Variants in ARMC2 observed in about 807,000 individuals in gnomAD.
The protein encoded by ARMC2 is armadillo repeat containing 2, also known as armadillo repeat-containing protein 2.
In ARMC2, 67 loss-of-function variants were observed where a neutral mutation model predicts 90.3. The observed-to-expected ratio is 0.74, with a 90% confidence interval of 0.61 to 0.91. ARMC2 has a LOEUF of 0.91. ARMC2 is among the 40% of genes least tolerant of loss of function. ARMC2 has a pLI of 0.00. For missense variants in ARMC2, 920 were observed against 1,030.9 expected (o/e 0.89, Z 1.47); for synonymous variants, 393 against 393.0 (o/e 1.00, Z 0.00).
chr6:108,874,590 G>A (rs1198451521), intron 4 of ARMC2, among the ~76,000 whole-genome samples: 3 of 152,264 alleles, frequency 2.0e-5, no homozygotes, highest in South Asian at 2.1e-4. Context: ...GGTTTTGAGC[G>A]TGCTAGCACC....
chr6:108,886,928 CCTCA>C (rs888313142), intron 5 of ARMC2, among the ~76,000 whole-genome samples: 3 of 150,190 alleles, frequency 2.0e-5, no homozygotes, highest in Non-Finnish European at 4.4e-5. Flanking sequence ...TGAGACAGAG[CCTCA>C]CTCTGTTGCC....
In ARMC2 at chr6:108,973,238, T is replaced by C; in HGVS notation, c.2447-119T>C. On this transcript the variant is annotated intron_variant, in intron 17 of 17. Coordinates refer to ENST00000392644, the MANE Select transcript of ARMC2 (RefSeq NM_032131.6). ...AGAACTTCTCTGAAATCCTGTCTTG[T>C]GTTACGTTGGTATTAAAGGACGACC... 3 of 677,364 alleles carry C rather than the reference T, an allele frequency of 4.4e-6. No individual in the cohort carries two copies. The East Asian group carries it at 8.4e-5, about 19-fold the overall frequency. 42.0% of individuals were successfully genotyped at this position (677,364 alleles called of 1,614,324 possible).
chr6:108,890,189 CAAAAAAAAAAAAAAAAAAAAAAAAA>C (rs869186045), intron 5 of ARMC2, among the ~76,000 whole-genome samples: 6 of 64,250 alleles, frequency 9.3e-5, no homozygotes, highest in Admixed American at 1.7e-4. Context: ...GACTCCGTCT[CAAAAAAAAAAAAAAAAAAAAAAAAA>C]AAAAAAAAAA....
the ARMC2 span, among the ~76,000 whole-genome samples, chr6:109,050,152 A>T: frequency 6.6e-6 from 1 of 152,186 alleles, no homozygotes; most frequent in African/African-American, 2.4e-5. Flanking sequence ...TTATGGGATG[A>T]CACAATCTTG....
chr6:108,911,873 G>A (rs909105539), intron 9 of ARMC2, among the ~76,000 whole-genome samples: 1 of 152,008 alleles, frequency 6.6e-6, no homozygotes, highest in Non-Finnish European at 1.5e-5. Flanking sequence ...AAGGATAGGC[G>A]TTATATTCAA....
At chr6:108,915,600 G>A (rs1171589361) in intron 10 of ARMC2, among the ~76,000 whole-genome samples, 2 of 152,168 alleles carry the variant, frequency 1.3e-5, no homozygotes. Context: ...AGATTGTGCA[G>A]GATTTGGGAA....
chr6:108,892,724 A>G lies in ARMC2; in HGVS notation c.672-1743A>G, dbSNP rs1197561759. ...GGGTGAGCCGAGATCACGCCATTGC[A>G]CTCCAGCCTGGGCAACAAGAGTGAA... On this transcript the variant is annotated intron_variant, in intron 5 of 17. Transcript: ENST00000392644. 2.7e-5 allele frequency among the ~76,000 whole-genome samples: 4 copies of G among 149,496 alleles called. No homozygotes were observed. The Admixed American group carries it at 2.7e-4, about 10-fold the overall frequency.
Position 108,891,786 on chromosome 6 carries a change from A to T in ARMC2, c.672-2681A>T, listed in dbSNP as rs192941252. Among the ~76,000 whole-genome samples, 639 of 152,240 alleles carry T rather than the reference A, an allele frequency of 4.2e-3. 3 individuals carry two copies. The highest frequency in any genetic ancestry group is 0.014 in the African/African-American group (599 of 41,538). On this transcript the variant is annotated intron_variant, in intron 5 of 17. Transcript: ENST00000392644. ...TTTGTCAATTTTGGCTTTTGTTGCC[A>T]TTGCTTTTGTTGTTTTAGTCATGAA... is the stretch of plus-strand genomic sequence containing the variant.
the ARMC2 span, among the ~76,000 whole-genome samples, chr6:109,014,119 G>A: frequency 1.3e-5 from 2 of 151,562 alleles, no homozygotes; most frequent in African/African-American, 4.9e-5. Flanking sequence ...TTTTAGAAAT[G>A]TAGTGTTTTA....
At chr6:108,915,400 G>T (rs1228124508) in intron 10 of ARMC2, among the ~76,000 whole-genome samples, 2 of 152,172 alleles carry the variant, frequency 1.3e-5, no homozygotes, top group African/African-American at 2.4e-5. Context: ...CTAGTGGCGT[G>T]ACTGCTTTTC....
chr6:109,013,953 A>AT, the ARMC2 span, among the ~76,000 whole-genome samples: 1 of 150,254 alleles, frequency 6.7e-6, no homozygotes, highest in African/African-American at 2.4e-5. Flanking sequence ...TTTTGGGTAC[A>AT]TTAAGATCCT....
chr6:108,980,917 C>T, the ARMC2 span, among the ~76,000 whole-genome samples: 1 of 152,164 alleles, frequency 6.6e-6, no homozygotes, highest in African/African-American at 2.4e-5. Context: ...AAAAAACCTA[C>T]ATTTCCAGGA....
chr6:109,027,363 G>A, the ARMC2 span, among the ~76,000 whole-genome samples: 1 of 150,020 alleles, frequency 6.7e-6, no homozygotes, highest in African/African-American at 2.5e-5. Context: ...TGTAATCCCA[G>A]CTACTTAGGA....
the ARMC2 span, among the ~76,000 whole-genome samples, chr6:108,994,045 C>A: frequency 6.7e-6 from 1 of 149,766 alleles, no homozygotes; most frequent in Non-Finnish European, 1.5e-5. Flanking sequence ...GAAGCTGAGG[C>A]AGGATGATCG....
chr6:108,979,920 T>C, the ARMC2 span, among the ~76,000 whole-genome samples: 1 of 152,056 alleles, frequency 6.6e-6, no homozygotes, highest in African/African-American at 2.4e-5. Flanking sequence ...TTAGCTTACT[T>C]GCATTGGATT....
the ARMC2 span, among the ~76,000 whole-genome samples, chr6:108,993,720 C>T: frequency 4.7e-4 from 71 of 152,022 alleles, no homozygotes; most frequent in Admixed American, 5.2e-4. Flanking sequence ...TAATAAATAT[C>T]TCCTTTTCAC....
chr6:109,048,824 T>C, the ARMC2 span, among the ~76,000 whole-genome samples: 49 of 152,330 alleles, frequency 3.2e-4, no homozygotes, highest in African/African-American at 1.1e-3. Context: ...TTCTATGTGT[T>C]CCTGCATACC....
At chr6:108,909,029 C>T (rs1209186370) in intron 8 of ARMC2, among the ~76,000 whole-genome samples, 3 of 152,110 alleles carry the variant, frequency 2.0e-5, no homozygotes, top group Non-Finnish European at 2.9e-5. Context: ...TAGATCATGC[C>T]CTTGCACTCT....
chr6:108,994,434 A>C, the ARMC2 span: 2 of 1,561,248 alleles, frequency 1.3e-6, no homozygotes, highest in Non-Finnish European at 1.7e-6. Context: ...TGCAATAATT[A>C]TATTGACTAT....
Sources: gnomAD v4.1 joint callset for allele counts (sites outside exome capture counted in the v4.1 genomes callset) on GRCh38, gnomAD v4.1.1 for gene constraint, MANE v1.5 for transcripts, NCBI Gene and HGNC (gene_info 2026-07-23, HGNC 2026-07-21) for gene names.